PLCB1: variants seen among roughly 807,000 people sequenced by gnomAD.
PLCB1 encodes the protein phospholipase C beta 1, also known as 1-phosphatidylinositol 4,5-bisphosphate phosphodiesterase beta-1.
A neutral mutation model predicts 161.8 loss-of-function variants in PLCB1; 46 were observed. That is an observed-to-expected ratio of 0.28 (90% CI 0.22 to 0.36). The LOEUF is 0.36. PLCB1 is among the 10% of genes least tolerant of loss of function. The pLI, the probability that PLCB1 is intolerant of heterozygous loss-of-function variation, is 1.00. For missense variants in PLCB1, 1,016 were observed against 1,472.5 expected (o/e 0.69, Z 5.07); for synonymous variants, 517 against 503.7 (o/e 1.03, Z -0.35).
chr20:8,132,771 A>T lies in PLCB1; in HGVS notation c.99+21A>T. 6.4e-7 allele frequency: 1 copy of T among 1,561,428 alleles called. No homozygotes were observed. Among genetic ancestry groups the T allele is most frequent in the African/African-American group, 1.4e-5 (1 of 73,808 alleles). ...ATGATGTAAGTATTGGGGCGGCCCG[A>T]GTCGGGGCGCTGGCTCGGGCACCGG... On this transcript the variant is annotated intron_variant, in intron 1 of 31. Transcript: ENST00000338037. The surrounding 1 kb of genome is among the most constrained non-coding windows in gnomAD (Gnocchi z 5.2).
chr20:8,765,117 C>T (rs1262648566), intron 25 of PLCB1, 22 bp from the exon 26 acceptor site: 3 of 1,594,992 alleles, frequency 1.9e-6, no homozygotes, highest in Non-Finnish European at 2.6e-6. Flanking sequence ...ATTCCCTTAG[C>T]TTTCATATTC....
In PLCB1 at chr20:8,802,504, T is replaced by C. The variant is rs76804532; in HGVS notation, c.3423+12243T>C. 8.2e-3 allele frequency: 2,135 copies of C among 259,730 alleles called. 53 individuals carry two copies. The highest frequency in any genetic ancestry group is 0.043 in the African/African-American group (1,917 of 44,628). 16.1% of individuals were successfully genotyped at this position (259,730 alleles called of 1,614,324 possible). ...GATTTTCTCTCTTGCACTCAGACTA[T>C]TATTCCCACTTTGGAAACATTTTTT... On this transcript the variant is annotated intron_variant, in intron 31 of 31. Coordinates refer to ENST00000338037, the MANE Select transcript of PLCB1 (RefSeq NM_015192.4).
chr20:8,189,134 T>G (rs1357522470), intron 2 of PLCB1, among the ~76,000 whole-genome samples: 1 of 151,696 alleles, frequency 6.6e-6, no homozygotes, highest in Non-Finnish European at 1.5e-5. Flanking sequence ...CATGCAATCT[T>G]TTTTTTCTGT....
intron 2 of PLCB1, among the ~76,000 whole-genome samples, chr20:8,358,541 G>A (rs1333584855): frequency 2.0e-5 from 3 of 151,956 alleles, no homozygotes; most frequent in Admixed American, 6.6e-5. Flanking sequence ...GTGAGCCACC[G>A]AGCCCGGCGT....
At chr20:8,644,673 GC>G (rs1320508010) in intron 4 of PLCB1, among the ~76,000 whole-genome samples, 1 of 151,608 alleles carries the variant, frequency 6.6e-6, no homozygotes, top group Non-Finnish European at 1.5e-5. Context: ...GAGCGTCTCC[GC>G]CCGGCAGCCG....
In PLCB1 at chr20:8,312,283, C is replaced by T. The variant is rs149939960; in HGVS notation, c.178-59099C>T. 7.8e-3 allele frequency among the ~76,000 whole-genome samples: 1,192 copies of T among 152,198 alleles called. 19 individuals are homozygous for T. The highest frequency in any genetic ancestry group is 0.027 in the African/African-American group (1,129 of 41,512). ...AAGCGCGCATACAATTCTTCTACCC[C>T]GCAAAAGCCTACAGGACTATCCCAT... On this transcript the variant is annotated intron_variant, in intron 2 of 31. Coordinates refer to ENST00000338037, the MANE Select transcript of PLCB1 (RefSeq NM_015192.4).
intron 2 of PLCB1, among the ~76,000 whole-genome samples, chr20:8,163,123 A>G (rs2051641909): frequency 6.6e-6 from 1 of 152,214 alleles, no homozygotes; most frequent in Non-Finnish European, 1.5e-5. Context: ...GTGACCCCAG[A>G]AAGTGTGGGC....
rs528163535 is a variant in PLCB1 at position 8,528,317 on chromosome 20, T to A, written c.247-99977T>A. ...ATCTAAATGTCTATCAATAGGACAA[T>A]GGATGAAGAAATGATGATGTATTCA... On this transcript the variant is annotated intron_variant, in intron 3 of 31. Transcript: ENST00000338037. Among the ~76,000 whole-genome samples the A allele has an allele frequency of 3.3e-5, 5 of 152,198 alleles. No individual in the cohort carries two copies. The East Asian group carries it at 5.8e-4, about 18-fold the overall frequency.
chr20:8,152,670 C>G (rs968230269), intron 2 of PLCB1, among the ~76,000 whole-genome samples: 3 of 151,980 alleles, frequency 2.0e-5, no homozygotes, highest in Non-Finnish European at 4.4e-5. Flanking sequence ...AAGTTTATCC[C>G]TTGATTTTAT....
At chr20:8,709,549 C>T (rs1389461072) in intron 12 of PLCB1, among the ~76,000 whole-genome samples, 3 of 152,172 alleles carry the variant, frequency 2.0e-5, no homozygotes, top group African/African-American at 7.2e-5. Flanking sequence ...TTTTACCCTC[C>T]TTCCTATTGG....
At chr20:8,779,308 A>C (rs1457154742) in intron 27 of PLCB1, among the ~76,000 whole-genome samples, 1 of 152,082 alleles carries the variant, frequency 6.6e-6, no homozygotes, top group African/African-American at 2.4e-5. Context: ...CACCACACAC[A>C]CTCAGGGGAT....
intron 31 of PLCB1, among the ~76,000 whole-genome samples, chr20:8,816,887 C>T (rs187275701): frequency 3.9e-5 from 6 of 152,296 alleles, no homozygotes; most frequent in Non-Finnish European, 7.4e-5. Context: ...AAATTCTAAG[C>T]TTTCCTCTAA....
At chr20:8,529,079 G>A (rs992693258) in intron 3 of PLCB1, among the ~76,000 whole-genome samples, 6 of 151,832 alleles carry the variant, frequency 4.0e-5, no homozygotes, top group Non-Finnish European at 8.8e-5. Context: ...CACACTTGAT[G>A]TTTTTCCTTT....
intron 27 of PLCB1, among the ~76,000 whole-genome samples, chr20:8,780,926 C>G (rs1219549348): frequency 6.6e-6 from 1 of 152,170 alleles, no homozygotes; most frequent in Non-Finnish European, 1.5e-5. Context: ...TAATGAAAGC[C>G]TTTTTCTGTA....
rs775670613 is a variant in PLCB1 at position 8,647,971 on chromosome 20, T to G, written c.518+18T>G. 6.6e-7 allele frequency: 1 copy of G among 1,506,746 alleles called. No individual in the cohort carries two copies. The highest frequency in any genetic ancestry group is 9.0e-7 in the Non-Finnish European group (1 of 1,113,718). 93.3% of individuals were successfully genotyped at this position (1,506,746 alleles called of 1,614,324 possible). On this transcript the variant is annotated intron_variant, in intron 6 of 31. Transcript: ENST00000338037. ...CTCAAAAAGTAAGCTTTGTGAGCAT[T>G]TCTCATTATTCATTTTATTTTCCTC...
rs1195931646 is a variant in PLCB1, at chr20:8,276,980, C to CTTATTA, written c.178-94400_178-94399insATTATT. 5.7e-3 allele frequency among the ~76,000 whole-genome samples: 551 copies of CTTATTA among 96,740 alleles called. 1 individual carries two copies. The highest frequency in any genetic ancestry group is 0.011 in the African/African-American group (270 of 24,880). The allele number at this position is 96,740 out of a possible 152,430, so 63.5% of individuals were successfully genotyped here. On this transcript the variant is annotated intron_variant, in intron 2 of 31. Transcript: ENST00000338037. ...TCTTCTTCTTCTTCTTCTTCTTCTT[C>CTTATTA]TTCTTCTTATTATTATTATTATTAT... is the stretch of plus-strand genomic sequence containing the variant.
intron 31 of PLCB1, among the ~76,000 whole-genome samples, chr20:8,830,555 A>G (rs563150003): frequency 2.6e-5 from 4 of 152,356 alleles, no homozygotes; most frequent in Admixed American, 6.5e-5. Context: ...CATTTGGTAG[A>G]AAAAGAATAT....
intron 2 of PLCB1, among the ~76,000 whole-genome samples, chr20:8,160,670 C>T (rs1228277253): frequency 6.6e-6 from 1 of 152,192 alleles, no homozygotes; most frequent in Non-Finnish European, 1.5e-5. Context: ...CACCAGGTCC[C>T]TCCTACAACA....
At chr20:8,667,880 G>C (rs1243028202) in intron 9 of PLCB1, among the ~76,000 whole-genome samples, 2 of 152,092 alleles carry the variant, frequency 1.3e-5, no homozygotes, top group African/African-American at 4.8e-5. Context: ...CCCCCTAGAT[G>C]TGACCTCCCA....
Sources: allele counts gnomAD v4.1 joint callset (sites outside exome capture counted in the v4.1 genomes callset), GRCh38; gene constraint gnomAD v4.1.1; non-coding constraint Gnocchi (gnomAD v3.1); transcripts MANE v1.5; gene names NCBI Gene and HGNC (gene_info 2026-07-23, HGNC 2026-07-21).